The following UTP18 variants were observed in gnomAD, a reference collection of about 807,000 sequenced individuals.
UTP18 encodes the protein UTP18 small subunit processome component.
In UTP18, 36 loss-of-function variants were observed where a neutral mutation model predicts 61.1. The observed-to-expected ratio is 0.59, with a 90% CI of 0.45 to 0.78. UTP18 has a LOEUF of 0.78. UTP18 is among the 30% of genes least tolerant of loss of function. UTP18 has a pLI of 0.00. For synonymous variants in UTP18, 282 were observed against 251.1 expected (o/e 1.12, Z -1.16); for missense variants, 753 against 693.9 (o/e 1.09, Z -0.96).
chr17:51,292,825 T>C (rs776526992), intron 11 of UTP18, among the ~76,000 whole-genome samples: 1 of 152,338 alleles, frequency 6.6e-6, no homozygotes, highest in East Asian at 1.9e-4. Flanking sequence ...GTGTTCCTCC[T>C]CATACTTACG....
chr17:51,289,723 C>T (rs932745691), intron 11 of UTP18, among the ~76,000 whole-genome samples: 1 of 152,188 alleles, frequency 6.6e-6, no homozygotes, highest in Non-Finnish European at 1.5e-5. Context: ...TATGTGTGTA[C>T]TACCAGATTG....
intron 9 of UTP18, among the ~76,000 whole-genome samples, chr17:51,284,589 G>A (rs78781441): frequency 1.3e-5 from 2 of 152,150 alleles, no homozygotes; most frequent in East Asian, 3.9e-4. Flanking sequence ...ACTAGTGAGT[G>A]GTGTTTTGTT....
chr17:51,284,120 A>G (rs1363298750), intron 9 of UTP18, among the ~76,000 whole-genome samples: 3 of 152,300 alleles, frequency 2.0e-5, no homozygotes, highest in Non-Finnish European at 2.9e-5. Flanking sequence ...GTTTTCCCAA[A>G]TGTGTTTTAC....
chr17:51,277,376 A>G (rs1567702224), intron 7 of UTP18, 72 bp downstream of exon 7: 29 of 1,487,510 alleles, frequency 1.9e-5, no homozygotes, highest in Non-Finnish European at 2.5e-5. Context: ...TGTTTACAAC[A>G]CTTTTTTCAC....
chr17:51,260,759 G>C lies in UTP18; in HGVS notation c.175G>C (p.Ala59Pro). The change falls in exon 1 of 14, where the codon GCT becomes CCT. Residue 59 changes from alanine (A) to proline (P), a missense_variant. Physicochemically the swap from Ala to Pro is conservative, Grantham distance 27. Transcript: ENST00000225298. The part of the protein sequence containing the change: ...KPPARPSAAA[A>P]AIAVAAAEEE... ...GCCGGCCCGGCCGAGCGCGGCGGCC[G>C]CTGCGATTGCAGTCGCGGCGGCGGA... The C allele has an allele frequency of 1.3e-6, 2 of 1,581,540 alleles. No individual in the cohort carries two copies. Among genetic ancestry groups the C allele is most frequent in the Non-Finnish European group, 1.7e-6 (2 of 1,164,870 alleles).
chr17:51,290,015 C>CACA (rs1334584718), intron 11 of UTP18, among the ~76,000 whole-genome samples: 2 of 152,110 alleles, frequency 1.3e-5, no homozygotes, highest in African/African-American at 4.8e-5. Context: ...CTTTATATGG[C>CACA]ATGTAGGGCA....
At position 51,280,493 on chromosome 17, in the gene UTP18, A is replaced by G. The variant is rs776266893; in HGVS notation, c.1204+14A>G. ...ACGCCTCTTCGGGTAAGACAACGACATGAAAGAAGCTAAGGATATTTTTAC... is the reference window on the plus strand; with the variant it reads ...ACGCCTCTTCGGGTAAGACAACGACGTGAAAGAAGCTAAGGATATTTTTAC... On this transcript the variant is annotated intron_variant, in intron 9 of 13. Coordinates refer to ENST00000225298, the MANE Select transcript of UTP18 (RefSeq NM_016001.3). The G allele has an allele frequency of 2.4e-5, 38 of 1,612,816 alleles. No individual in the cohort carries two copies. The South Asian group carries it at 3.6e-4, about 15-fold the overall frequency.
chr17:51,296,041 A>G (rs1394713048), intron 12 of UTP18, among the ~76,000 whole-genome samples: 2 of 152,220 alleles, frequency 1.3e-5, no homozygotes, highest in Non-Finnish European at 2.9e-5. Context: ...TAAGCTGTAA[A>G]TAAGGGTGTT....
Position 51,260,779 on chromosome 17 carries a change from G to C in UTP18, c.195G>C (p.Ala65=). ...CGGCCGCTGCGATTGCAGTCGCGGC[G>C]GCGGAGGAAGAGAGACGGCTCCGGC... The part of the protein sequence containing the change: ...SAAAAAIAVA[A]AEEERRLRQR... Residue 65 remains alanine, a synonymous_variant, in exon 1 of 14, where the codon GCG becomes GCC. Coordinates refer to ENST00000225298, the MANE Select transcript of UTP18 (RefSeq NM_016001.3). 2 of 1,578,698 alleles carry C rather than the reference G, an allele frequency of 1.3e-6. No homozygotes were observed. Among genetic ancestry groups the C allele is most frequent in the Non-Finnish European group, 1.7e-6 (2 of 1,163,636 alleles).
chr17:51,265,637 C>G (rs1320353896), intron 2 of UTP18, among the ~76,000 whole-genome samples: 1 of 140,764 alleles, frequency 7.1e-6, no homozygotes, highest in Non-Finnish European at 1.5e-5. Flanking sequence ...AATCTGGGCT[C>G]ATTTCAACCT....
chr17:51,263,201 G>T, intron 1 of UTP18, 73 bp from the exon 2 acceptor site: 1 of 1,206,480 alleles, frequency 8.3e-7, no homozygotes, highest in South Asian at 1.3e-5. Flanking sequence ...GAGCCATTTG[G>T]CTGTAAGGCC....
chr17:51,263,260 T>C lies in UTP18; in HGVS notation c.343-14T>C, dbSNP rs1173575354. ...GGAAAATCTCAGTGCTTGAGGGTGT[T>C]TTGTCTGCTGTAGGTTCAAGAACAT... On this transcript the variant is annotated splice_polypyrimidine_tract_variant and intron_variant, in intron 1 of 13. Coordinates refer to ENST00000225298, the MANE Select transcript of UTP18 (RefSeq NM_016001.3). 1 of 1,611,344 alleles carries C rather than the reference T, an allele frequency of 6.2e-7. No homozygotes were observed. Among genetic ancestry groups the C allele is most frequent in the Non-Finnish European group, 8.5e-7 (1 of 1,177,768 alleles).
intron 12 of UTP18, 110 bp downstream of exon 12, chr17:51,294,155 A>T (rs183061514): frequency 1.2e-6 from 1 of 838,168 alleles, no homozygotes. Context: ...TAGTCTGTTT[A>T]TCTTGACTCT....
intron 6 of UTP18, 70 bp from the exon 7 acceptor site, chr17:51,277,059 GA>G: frequency 6.7e-7 from 1 of 1,488,150 alleles, no homozygotes; most frequent in Non-Finnish European, 9.1e-7. Flanking sequence ...CACTTGTAGT[GA>G]AAAGTATATA....
rs554503397 is a variant in UTP18 at position 51,285,217 on chromosome 17, CAACTCTT to C, written c.1205-27_1205-21del. Reference sequence around the variant, plus strand: ...CCTTTCAAGTTTAAAGCAAAATTAACAACTCTTTTTTTCGCTCTTTTATGCAGGGGAT... The same window carrying C: ...CCTTTCAAGTTTAAAGCAAAATTAACTTTTTCGCTCTTTTATGCAGGGGAT... On this transcript the variant is annotated intron_variant, in intron 9 of 13. Coordinates refer to ENST00000225298, the MANE Select transcript of UTP18 (RefSeq NM_016001.3). 5.6e-4 allele frequency: 897 copies of C among 1,611,056 alleles called. 20 individuals are homozygous for C. In the South Asian group the frequency reaches 9.3e-3, roughly 17 times the overall value.
At chr17:51,262,077 T>C (rs1441170295) in intron 1 of UTP18, among the ~76,000 whole-genome samples, 1 of 151,924 alleles carries the variant, frequency 6.6e-6, no homozygotes, top group Non-Finnish European at 1.5e-5. Flanking sequence ...GGATATTCTG[T>C]GGTCTAGGTT....
chr17:51,294,955 G>A (rs1184531643), intron 12 of UTP18, among the ~76,000 whole-genome samples: 4 of 152,204 alleles, frequency 2.6e-5, no homozygotes, highest in Admixed American at 2.6e-4. Context: ...GATGGCCAGT[G>A]ATGATGAGCA....
At chr17:51,261,014 C>G in intron 1 of UTP18, 88 bp downstream of exon 1, 1 of 1,215,752 alleles carries the variant, frequency 8.2e-7, no homozygotes. Context: ...GCCTGGGCGA[C>G]CTGCGGCGGC....
chr17:51,273,273 G>A (rs1228637176), intron 4 of UTP18, 89 bp from the exon 5 acceptor site: 2 of 910,192 alleles, frequency 2.2e-6, no homozygotes, highest in Middle Eastern at 2.4e-4. Context: ...GGGAGTTGAT[G>A]TTGAAAATAT....
Sources: gnomAD v4.1 joint callset for allele counts (sites outside exome capture counted in the v4.1 genomes callset) on GRCh38, gnomAD v4.1.1 for gene constraint, MANE v1.5 for transcripts, NCBI Gene and HGNC (gene_info 2026-07-23, HGNC 2026-07-21) for gene names.